Variants in CACNG3 observed in about 807,000 individuals in gnomAD.
CACNG3 encodes the protein calcium voltage-gated channel auxiliary subunit gamma 3, also known as voltage-dependent calcium channel gamma-3 subunit.
CACNG3 carries 3 observed loss-of-function variants against 28.5 expected under a neutral mutation model. The observed-to-expected ratio is 0.11, with a 90% confidence interval of 0.05 to 0.27. CACNG3 has a LOEUF of 0.27. Among genes scored for constraint, CACNG3 ranks in the 10% least tolerant of loss-of-function variants. The pLI, the probability that CACNG3 is intolerant of heterozygous loss-of-function variation, is 1.00. For synonymous variants in CACNG3, 174 were observed against 162.2 expected, an observed-to-expected ratio of 1.07 and a Z score of -0.55; for missense variants, 236 against 414.4, an observed-to-expected ratio of 0.57 and a Z score of 3.74.
intron 3 of CACNG3, among the ~76,000 whole-genome samples, chr16:24,358,534 C>A (rs1289352985): frequency 6.6e-6 from 1 of 152,192 alleles, no homozygotes; most frequent in Non-Finnish European, 1.5e-5. Flanking sequence ...TCCACTTATT[C>A]ACCCATTCAA....
At position 24,354,926 on chromosome 16, in the gene CACNG3, G is replaced by A. The variant is rs1900008153; in HGVS notation, c.389G>A (p.Ser130Asn). 6.2e-7 allele frequency: 1 copy of A among 1,612,592 alleles called. No individual in the cohort carries two copies. Among genetic ancestry groups the A allele is most frequent in the African/African-American group, 1.3e-5 (1 of 75,006 alleles). Reference protein sequence around the residue: ...LCVAASEFHRSRHNVILSAGI... With the variant: ...LCVAASEFHRNRHNVILSAGI... ...GTGGCAGCCAGTGAGTTCCACCGCA[G>A]CAGACACAACGTCATTCTCAGCGCG... The change falls in exon 3 of 4, where the codon AGC becomes AAC. Residue 130 changes from serine to asparagine, a missense_variant. Coordinates refer to ENST00000005284, the MANE Select transcript of CACNG3 (RefSeq NM_006539.4).
At chr16:24,359,677 C>T (rs1900080820) in intron 3 of CACNG3, among the ~76,000 whole-genome samples, 1 of 151,666 alleles carries the variant, frequency 6.6e-6, no homozygotes, top group South Asian at 2.1e-4. Flanking sequence ...GACTGGGCAA[C>T]ATAGCAAGAC....
intron 1 of CACNG3, among the ~76,000 whole-genome samples, chr16:24,311,993 A>T (rs566129839): frequency 6.6e-6 from 1 of 152,344 alleles, no homozygotes; most frequent in East Asian, 1.9e-4. Flanking sequence ...CCTGGACCTG[A>T]CCTATTTGAT....
chr16:24,301,396 A>C (rs1364480282), intron 1 of CACNG3, among the ~76,000 whole-genome samples: 1 of 152,022 alleles, frequency 6.6e-6, no homozygotes, highest in Non-Finnish European at 1.5e-5. Flanking sequence ...GATTCTGTGG[A>C]GGTTGAAGAA....
At chr16:24,270,722 T>C (rs918262875) in intron 1 of CACNG3, among the ~76,000 whole-genome samples, 1 of 152,202 alleles carries the variant, frequency 6.6e-6, no homozygotes, top group Non-Finnish European at 1.5e-5. Flanking sequence ...AAGAAAGAGA[T>C]AATCTTAGCA....
chr16:24,259,058 T>C (rs1567428059), intron 1 of CACNG3, among the ~76,000 whole-genome samples: 1 of 152,138 alleles, frequency 6.6e-6, no homozygotes, highest in Non-Finnish European at 1.5e-5. Context: ...GTGGGAGAAG[T>C]GAGAAATTGA....
intron 1 of CACNG3, among the ~76,000 whole-genome samples, chr16:24,271,581 G>A (rs1230794818): frequency 1.3e-5 from 2 of 152,162 alleles, no homozygotes; most frequent in African/African-American, 2.4e-5. Context: ...CAAAGTGAGT[G>A]ATTTGAATTT....
chr16:24,290,146 A>G (rs1318788364), intron 1 of CACNG3, among the ~76,000 whole-genome samples: 1 of 152,236 alleles, frequency 6.6e-6, no homozygotes, highest in African/African-American at 2.4e-5. Context: ...AACATTTCAT[A>G]TATTTGTGGA....
In CACNG3 at chr16:24,280,529, G is replaced by A. The variant is rs556520800; in HGVS notation, c.211+23564G>A. Among the ~76,000 whole-genome samples, 473 of 152,216 alleles carry A rather than the reference G, an allele frequency of 3.1e-3. 2 individuals are homozygous for A. The highest frequency in any genetic ancestry group is 6.8e-3 in the Middle Eastern group (2 of 294). The stretch of plus-strand genomic sequence containing the variant: ...TGAGCTTATGCTAATAACAAGACCA[G>A]ACCCAGCCAGGCGCAGTGGCTCATG... On this transcript the variant is annotated intron_variant, in intron 1 of 3. Transcript: ENST00000005284.
intron 1 of CACNG3, among the ~76,000 whole-genome samples, chr16:24,333,719 G>A (rs572253488): frequency 7.9e-5 from 12 of 151,954 alleles, no homozygotes; most frequent in Admixed American, 7.2e-4. Context: ...GCGTGCACCT[G>A]TAATCCTAGC....
At chr16:24,295,672 C>T (rs1320788575) in intron 1 of CACNG3, among the ~76,000 whole-genome samples, 1 of 151,928 alleles carries the variant, frequency 6.6e-6, no homozygotes, top group Non-Finnish European at 1.5e-5. Context: ...CATAGTGAGA[C>T]CTCATCACCA....
At chr16:24,296,075 A>G (rs8052039) in intron 1 of CACNG3, among the ~76,000 whole-genome samples, 123,038 of 152,148 alleles carry the variant, frequency 0.81, 50,262 homozygotes, top group African/African-American at 0.93. Context: ...AAAATAAGAC[A>G]TACAGATCTT....
intron 1 of CACNG3, among the ~76,000 whole-genome samples, chr16:24,323,268 C>G (rs1414976702): frequency 6.7e-6 from 1 of 149,108 alleles, no homozygotes; most frequent in Non-Finnish European, 1.5e-5. Flanking sequence ...AGAGATGAGG[C>G]CTTCCATATG....
At chr16:24,259,170 G>A (rs1898507768) in intron 1 of CACNG3, among the ~76,000 whole-genome samples, 1 of 152,160 alleles carries the variant, frequency 6.6e-6, no homozygotes, top group Admixed American at 6.5e-5. Context: ...GGCTTTTTTT[G>A]TTGTTGTTCA....
chr16:24,318,061 G>A (rs867895803), intron 1 of CACNG3, among the ~76,000 whole-genome samples: 8 of 152,304 alleles, frequency 5.3e-5, no homozygotes, highest in Middle Eastern at 3.4e-3. Context: ...CTGCCTCCTT[G>A]TTTATTTCCT....
intron 1 of CACNG3, among the ~76,000 whole-genome samples, chr16:24,313,548 G>A (rs947156780): frequency 6.6e-6 from 1 of 152,076 alleles, no homozygotes; most frequent in Non-Finnish European, 1.5e-5. Context: ...GCAGTGGCAC[G>A]ATCATAGCTC....
chr16:24,273,591 T>C (rs753443453), intron 1 of CACNG3, among the ~76,000 whole-genome samples: 1 of 152,224 alleles, frequency 6.6e-6, no homozygotes, highest in Non-Finnish European at 1.5e-5. Flanking sequence ...GATTCTGAAG[T>C]TTGAAAACCG....
intron 1 of CACNG3, among the ~76,000 whole-genome samples, chr16:24,289,547 T>A (rs1313063493): frequency 1.3e-5 from 2 of 152,208 alleles, no homozygotes; most frequent in African/African-American, 4.8e-5. Context: ...CTTGTGGGTC[T>A]GAGCCATCAA....
intron 1 of CACNG3, among the ~76,000 whole-genome samples, chr16:24,318,132 T>C (rs999912736): frequency 2.0e-5 from 3 of 152,164 alleles, no homozygotes; most frequent in Admixed American, 1.3e-4. Context: ...TCCCTCAGCA[T>C]CCCTAGAGCT....
Sources: allele counts gnomAD v4.1 joint callset (sites outside exome capture counted in the v4.1 genomes callset), GRCh38; gene constraint gnomAD v4.1.1; transcripts MANE v1.5; gene names NCBI Gene and HGNC (gene_info 2026-07-23, HGNC 2026-07-21).